RGMA: variants seen among roughly 807,000 people sequenced by gnomAD.
RGMA encodes the protein repulsive guidance molecule BMP co-receptor a, also known as repulsive guidance molecule A.
RGMA carries 10 observed loss-of-function variants against 23.2 expected under a neutral mutation model. That is an observed-to-expected ratio of 0.43 (90% CI 0.27 to 0.73). The LOEUF is 0.73. Among genes scored for constraint, RGMA ranks in the 30% least tolerant of loss-of-function variants. The pLI is 0.20. For synonymous variants in RGMA, 308 were observed against 279.3 expected (o/e 1.10, Z -1.03); for missense variants, 547 against 630.5 (o/e 0.87, Z 1.42).
intron 2 of RGMA, among the ~76,000 whole-genome samples, chr15:93,060,143 C>T (rs1163570400): frequency 6.6e-6 from 1 of 152,186 alleles, no homozygotes; most frequent in Non-Finnish European, 1.5e-5. Flanking sequence ...ACTGAAAAAC[C>T]TAAGAAGTTT....
Position 93,041,824 on chromosome 15 carries a change from C to G in RGMA, c.*3174G>C, listed in dbSNP as rs529628013. The G allele has an allele frequency of 1.3e-5, 2 of 152,390 alleles. No individual in the cohort carries two copies. Among genetic ancestry groups the G allele is most frequent in the East Asian group, 3.9e-4 (2 of 5,182 alleles). The allele number at this position is 152,390 out of a possible 1,614,324, so 9.4% of individuals were successfully genotyped here. A position where few individuals can be genotyped will look rare whatever the true frequency, so the allele number is the denominator to read the frequency against. On this transcript the variant is annotated 3_prime_UTR_variant, in exon 4 of 4. Transcript: ENST00000329082. Reference sequence around the variant, plus strand: ...GGTTCCTGCCTCCCAAACCCAACTCCCGTGTTCTCTCTGGGAGCCCTGCAA... The same window carrying G: ...GGTTCCTGCCTCCCAAACCCAACTCGCGTGTTCTCTCTGGGAGCCCTGCAA...
intron 1 of RGMA, among the ~76,000 whole-genome samples, chr15:93,083,592 G>C (rs1895592623): frequency 6.6e-6 from 1 of 152,194 alleles, no homozygotes; most frequent in South Asian, 2.1e-4. Context: ...GCCTCCCAAA[G>C]TGCTGGAATT....
intron 1 of RGMA, among the ~76,000 whole-genome samples, chr15:93,079,776 T>C (rs377724677): frequency 1.2e-4 from 19 of 152,170 alleles, no homozygotes; most frequent in East Asian, 9.7e-4. Flanking sequence ...GCAGAGGTCC[T>C]GCCACTGCAC....
At chr15:93,073,160 C>T in intron 1 of RGMA, 129 bp from the exon 2 acceptor site, 9 of 1,213,574 alleles carry the variant, frequency 7.4e-6, no homozygotes, top group Non-Finnish European at 9.3e-6. Context: ...CCGGCGCGCT[C>T]CCCTTCCCGC....
At position 93,088,232 on chromosome 15, in the gene RGMA, C is replaced by G. The variant is rs555563619; in HGVS notation, c.14+687G>C. 17 of 864,852 alleles carry G rather than the reference C, an allele frequency of 2.0e-5. No individual in the cohort carries two copies. In the South Asian group the frequency reaches 8.0e-4, roughly 40 times the overall value. 53.6% of individuals were successfully genotyped at this position (864,852 alleles called of 1,614,324 possible). A position where few individuals can be genotyped will look rare whatever the true frequency, so the allele number is the denominator to read the frequency against. ...CCGAATTGCACCCGAGCGTCCCCCA[C>G]ACCCGCCCTCCCATTGAATACACCT... is the stretch of plus-strand genomic sequence containing the variant. On this transcript the variant is annotated intron_variant, in intron 1 of 3. Transcript: ENST00000329082.
intron 2 of RGMA, among the ~76,000 whole-genome samples, chr15:93,057,038 T>G (rs2055026063): frequency 6.6e-6 from 1 of 152,140 alleles, no homozygotes; most frequent in Non-Finnish European, 1.5e-5. Flanking sequence ...TCCTCTTCCC[T>G]CCTTCCCCGG....
chr15:93,066,220 A>G (rs760008421), intron 2 of RGMA: 19 of 1,409,186 alleles, frequency 1.3e-5, no homozygotes, highest in East Asian at 2.4e-5. Context: ...CTCATCTCCA[A>G]CGCTGCGCAG....
intron 1 of RGMA, chr15:93,073,585 C>G: frequency 6.5e-7 from 1 of 1,535,334 alleles, no homozygotes; most frequent in Non-Finnish European, 8.7e-7. Context: ...ACTGCCGACC[C>G]CAAGCTTCCA....
chr15:93,075,552 CT>C (rs1895459028), intron 1 of RGMA, among the ~76,000 whole-genome samples: 1 of 152,118 alleles, frequency 6.6e-6, no homozygotes, highest in Admixed American at 6.5e-5. Context: ...GTGAAGTTTG[CT>C]TGCTGTAAAG....
At position 93,039,693 on chromosome 15, in the gene RGMA, G is replaced by A. The variant is rs1171975851; in HGVS notation, c.*5305C>T. ...AGTTTGCTGAGAATGATGGTTTCCA[G>A]CTTCATCCATGTCCCTGCAAAGGAC... On this transcript the variant is annotated 3_prime_UTR_variant, in exon 4 of 4. Transcript: ENST00000329082. The A allele has an allele frequency of 6.6e-6, 1 of 152,144 alleles. No individual in the cohort carries two copies. The highest frequency in any genetic ancestry group is 1.5e-5 in the Non-Finnish European group (1 of 68,064). 9.4% of individuals were successfully genotyped at this position (152,144 alleles called of 1,614,324 possible).
chr15:93,072,831 C>G lies in RGMA; in HGVS notation c.130+85G>C, dbSNP rs1431059422. The stretch of plus-strand genomic sequence containing the variant: ...CCGGAGGAGGTCCGGAGAACTTGAG[C>G]CCGGACTCACTCGCGCACATCTGGC... On this transcript the variant is annotated intron_variant, in intron 2 of 3. Transcript: ENST00000329082. 6.9e-6 allele frequency: 10 copies of G among 1,438,970 alleles called. No homozygotes were observed. The Admixed American group carries it at 1.7e-4, about 25-fold the overall frequency. 89.1% of individuals were successfully genotyped at this position (1,438,970 alleles called of 1,614,324 possible). A position where few individuals can be genotyped will look rare whatever the true frequency, so the allele number is the denominator to read the frequency against.
intron 2 of RGMA, among the ~76,000 whole-genome samples, chr15:93,063,364 C>T (rs560483586): frequency 2.0e-5 from 3 of 152,368 alleles, no homozygotes; most frequent in East Asian, 1.9e-4. Context: ...CACGCTGCCA[C>T]CCCTCCCCAC....
chr15:93,086,015 G>A (rs879423491), intron 1 of RGMA, among the ~76,000 whole-genome samples: 2 of 152,194 alleles, frequency 1.3e-5, no homozygotes, highest in Non-Finnish European at 2.9e-5. Flanking sequence ...GGCTGAAACT[G>A]AGCAGTCATT....
intron 2 of RGMA, among the ~76,000 whole-genome samples, chr15:93,069,906 T>C (rs1895270516): frequency 6.6e-6 from 1 of 152,234 alleles, no homozygotes; most frequent in Non-Finnish European, 1.5e-5. Context: ...AAAGTCACAA[T>C]GGCTTCAAAG....
intron 2 of RGMA, chr15:93,066,142 C>T (rs761009184): frequency 7.4e-7 from 1 of 1,357,184 alleles, no homozygotes; most frequent in Non-Finnish European, 1.1e-6. Context: ...GGGCACCTCC[C>T]CGGGCCCAGT....
chr15:93,073,309 G>T, intron 1 of RGMA: 1 of 482,488 alleles, frequency 2.1e-6, no homozygotes, highest in Non-Finnish European at 2.7e-6. Context: ...GCCGGAGGCG[G>T]CCGGGCGGGG....
At chr15:93,067,829 G>A (rs1895205831) in intron 2 of RGMA, among the ~76,000 whole-genome samples, 2 of 152,170 alleles carry the variant, frequency 1.3e-5, no homozygotes. Context: ...CTGGGCAGGA[G>A]TTTCAGAGTG....
intron 3 of RGMA, among the ~76,000 whole-genome samples, chr15:93,046,803 C>A (rs1273594964): frequency 6.6e-6 from 1 of 150,414 alleles, no homozygotes; most frequent in Non-Finnish European, 1.5e-5. Flanking sequence ...GAACGGGCAG[C>A]CTTGGCCGGG....
At chr15:93,054,662 A>C (rs916210954) in intron 2 of RGMA, among the ~76,000 whole-genome samples, 1 of 152,184 alleles carries the variant, frequency 6.6e-6, no homozygotes, top group Non-Finnish European at 1.5e-5. Context: ...TAAATTACCC[A>C]GTCTTGGGTA....
Sources: allele counts gnomAD v4.1 joint callset (sites outside exome capture counted in the v4.1 genomes callset), GRCh38; gene constraint gnomAD v4.1.1; transcripts MANE v1.5; gene names NCBI Gene and HGNC (gene_info 2026-07-23, HGNC 2026-07-21).